Variants in ZNF502 observed in about 807,000 individuals in gnomAD.
ZNF502 encodes the protein zinc finger protein 502.
Under a neutral mutation model 43.6 loss-of-function variants are expected in ZNF502, and 29 were observed. That is an observed-to-expected ratio of 0.67 (90% CI 0.50 to 0.91). The LOEUF is 0.91. Among genes scored for constraint, ZNF502 ranks in the 40% least tolerant of loss-of-function variants. The pLI is 0.00. For missense variants in ZNF502, 591 were observed against 647.2 expected (o/e 0.91, Z 0.94); for synonymous variants, 171 against 207.4 (o/e 0.82, Z 1.51).
In ZNF502 at chr3:44,720,996, C is replaced by T; in HGVS notation, c.179C>T (p.Ala60Val). ...YQDSTFEEKY[A>V]CEGMKENSPR... Reference sequence around the variant, plus strand: ...GATTCTACATTTGAAGAAAAATATGCATGTGAGGGCATGAAGGAAAACTCT... The same window carrying T: ...GATTCTACATTTGAAGAAAAATATGTATGTGAGGGCATGAAGGAAAACTCT... Residue 60 changes from alanine to valine, a missense_variant, in exon 3 of 3, where the codon GCA (alanine) becomes GTA (valine). Ala to Val is a moderately conservative substitution (Grantham distance 64). Coordinates refer to ENST00000436624, the MANE Select transcript of ZNF502 (RefSeq NM_001134442.3). 6.2e-7 allele frequency: 1 copy of T among 1,614,110 alleles called. No homozygotes were observed. The highest frequency in any genetic ancestry group is 8.5e-7 in the Non-Finnish European group (1 of 1,180,008).
At chr3:44,720,374 A>G in intron 2 of ZNF502, 58 bp downstream of exon 2, 1 of 1,572,286 alleles carries the variant, frequency 6.4e-7, no homozygotes, top group East Asian at 2.2e-5. Context: ...AAGCCTTTGG[A>G]AATTTTAGAG....
intron 1 of ZNF502, among the ~76,000 whole-genome samples, chr3:44,716,439 C>T (rs1056158482): frequency 2.0e-5 from 3 of 152,130 alleles, no homozygotes; most frequent in African/African-American, 7.2e-5. Context: ...ATCCACCTGC[C>T]TTGGCCTCCC....
At position 44,721,266 on chromosome 3, in the gene ZNF502, C is replaced by G. The variant is rs1292705913; in HGVS notation, c.449C>G (p.Thr150Arg). ...CAAAGTAAATGTCCAACTCTCTGCA[C>G]ACAGAAAAAATCTTGGAAATGTAAT... ...SDQSKCPTLC[T>R]QKKSWKCNEC... is the part of the protein sequence containing the mutation. Residue 150 changes from threonine to arginine, a missense_variant, in exon 3 of 3, where the codon ACA becomes AGA. By Grantham distance (71) the Thr-to-Arg change is moderately conservative. Coordinates refer to ENST00000436624, the MANE Select transcript of ZNF502 (RefSeq NM_001134442.3). The G allele has an allele frequency of 6.2e-7, 1 of 1,613,980 alleles. No individual in the cohort carries two copies. The highest frequency in any genetic ancestry group is 1.3e-5 in the African/African-American group (1 of 74,890).
At chr3:44,720,724 T>C in intron 2 of ZNF502, 149 bp from the exon 3 acceptor site, 1 of 845,718 alleles carries the variant, frequency 1.2e-6, no homozygotes, top group East Asian at 2.6e-5. Flanking sequence ...CTTCTACCAG[T>C]TACAACTCTA....
chr3:44,722,460 A>C lies in ZNF502; in HGVS notation c.*8A>C, dbSNP rs1167816036. On this transcript the variant is annotated 3_prime_UTR_variant, in exon 3 of 3. Coordinates refer to ENST00000436624, the MANE Select transcript of ZNF502 (RefSeq NM_001134442.3). ...CTTCACAGTGGTGACTAATGCTGCC[A>C]TTTAGGTTATGACAGTTTCTCTAGC... 6.2e-7 allele frequency: 1 copy of C among 1,601,728 alleles called. No homozygotes were observed. The highest frequency in any genetic ancestry group is 1.7e-5 in the Admixed American group (1 of 59,332).
intron 2 of ZNF502, 101 bp from the exon 3 acceptor site, chr3:44,720,772 A>T (rs1026987139): frequency 7.3e-6 from 10 of 1,363,610 alleles, no homozygotes; most frequent in South Asian, 2.9e-5. Context: ...GCCCTTCATC[A>T]TAGGCCATTA....
At chr3:44,718,127 T>C (rs1395809294) in intron 1 of ZNF502, among the ~76,000 whole-genome samples, 1 of 152,242 alleles carries the variant, frequency 6.6e-6, no homozygotes, top group Non-Finnish European at 1.5e-5. Context: ...ACTTTCTGTT[T>C]GGATATTTGA....
At position 44,720,245 on chromosome 3, in the gene ZNF502, G is replaced by T; in HGVS notation, c.-17G>T. 1.2e-6 allele frequency: 2 copies of T among 1,614,060 alleles called. No individual in the cohort carries two copies. Among genetic ancestry groups the T allele is most frequent in the African/African-American group, 2.7e-5 (2 of 75,034 alleles). Reference sequence around the variant, plus strand: ...ACCTGAAGTGTTTTCCAATCAAAGCGAAGAGACGATCTGTGGATGTTGAAT... The same window carrying T: ...ACCTGAAGTGTTTTCCAATCAAAGCTAAGAGACGATCTGTGGATGTTGAAT... On this transcript the variant is annotated 5_prime_UTR_variant, in exon 2 of 3. Coordinates refer to ENST00000436624, the MANE Select transcript of ZNF502 (RefSeq NM_001134442.3).
At chr3:44,717,658 G>C (rs1704184435) in intron 1 of ZNF502, among the ~76,000 whole-genome samples, 1 of 152,020 alleles carries the variant, frequency 6.6e-6, no homozygotes, top group Admixed American at 6.6e-5. Context: ...TAATCCACCT[G>C]CCTCAGCCTC....
At position 44,721,563 on chromosome 3, in the gene ZNF502, G is replaced by T. The variant is rs748731795; in HGVS notation, c.746G>T (p.Arg249Leu). The T allele has an allele frequency of 1.9e-6, 3 of 1,607,384 alleles. No homozygotes were observed. Among genetic ancestry groups the T allele is most frequent in the Admixed American group, 1.7e-5 (1 of 59,570 alleles). ...YKCNECGNSF[R>L]NHSHLTEHQR... ...TGCAATGAATGTGGGAATTCCTTCC[G>T]CAATCACTCACATCTCACTGAACAC... Residue 249 changes from arginine to leucine, a missense_variant, in exon 3 of 3, where the codon CGC becomes CTC. Arg to Leu is a moderately radical substitution (Grantham distance 102, BLOSUM62 -2). Transcript: ENST00000436624.
At position 44,721,395 on chromosome 3, in the gene ZNF502, G is replaced by T; in HGVS notation, c.578G>T (p.Ser193Ile). The T allele has an allele frequency of 6.2e-7, 1 of 1,614,132 alleles. No homozygotes were observed. The highest frequency in any genetic ancestry group is 1.1e-5 in the South Asian group (1 of 91,074). The change falls in exon 3 of 3, where the codon AGT (serine) becomes ATT (isoleucine). Residue 193 changes from serine to isoleucine, a missense_variant. Physicochemically the swap from Ser to Ile is moderately radical, Grantham distance 142. Coordinates refer to ENST00000436624, the MANE Select transcript of ZNF502 (RefSeq NM_001134442.3). ...YTCEECGKAFSRSSFLVQHQR... is the reference protein window; with the variant it reads ...YTCEECGKAFIRSSFLVQHQR... ...TGTGAGGAATGTGGGAAAGCCTTTAGTCGTAGTTCATTCCTTGTTCAACAT... is the reference window on the plus strand; with the variant it reads ...TGTGAGGAATGTGGGAAAGCCTTTATTCGTAGTTCATTCCTTGTTCAACAT...
chr3:44,720,447 G>T, intron 2 of ZNF502, 131 bp downstream of exon 2: 1 of 895,682 alleles, frequency 1.1e-6, no homozygotes, highest in Non-Finnish European at 1.7e-6. Context: ...TGGGGACAGG[G>T]GTGGGTGAAC....
At chr3:44,717,081 C>T (rs570021454) in intron 1 of ZNF502, among the ~76,000 whole-genome samples, 1 of 152,228 alleles carries the variant, frequency 6.6e-6, no homozygotes, top group East Asian at 1.9e-4. Context: ...TTGCATCATG[C>T]TTGAAAGTGC....
At chr3:44,719,913 T>C (rs1480233877) in intron 1 of ZNF502, among the ~76,000 whole-genome samples, 1 of 152,262 alleles carries the variant, frequency 6.6e-6, no homozygotes, top group Non-Finnish European at 1.5e-5. Context: ...GTTTAATCTT[T>C]ATAATTATAA....
At position 44,721,348 on chromosome 3, in the gene ZNF502, T is replaced by A; in HGVS notation, c.531T>A (p.His177Gln). 6.2e-7 allele frequency: 1 copy of A among 1,614,136 alleles called. No homozygotes were observed. The highest frequency in any genetic ancestry group is 8.5e-7 in the Non-Finnish European group (1 of 1,179,988). The change falls in exon 3 of 3, where the codon CAT becomes CAA. Residue 177 changes from histidine (H) to glutamine (Q), a missense_variant. Physicochemically the swap from His to Gln is conservative, Grantham distance 24. Coordinates refer to ENST00000436624, the MANE Select transcript of ZNF502 (RefSeq NM_001134442.3). The stretch of plus-strand genomic sequence containing the variant: ...CCCTTACCCAACATCAGAGAACTCA[T>A]ACTGGAGAGAGACCCTACACATGTG... ...SSSLTQHQRT[H>Q]TGERPYTCEE...
At position 44,721,095 on chromosome 3, in the gene ZNF502, C is replaced by A. The variant is rs201541403; in HGVS notation, c.278C>A (p.Ala93Glu). Reference sequence around the variant, plus strand: ...AGAATAACTTTCATCCACAAAGAAGCACCCCCTGAAATTATTAGTCAAGGA... The same window carrying A: ...AGAATAACTTTCATCCACAAAGAAGAACCCCCTGAAATTATTAGTCAAGGA... The part of the protein sequence containing the change: ...FGRITFIHKE[A>E]PPEIISQGYN... The change falls in exon 3 of 3, where the codon GCA becomes GAA. Residue 93 changes from alanine (A) to glutamate (E), a missense_variant. Transcript: ENST00000436624. 3 of 1,613,996 alleles carry A rather than the reference C, an allele frequency of 1.9e-6. No homozygotes were observed. Among genetic ancestry groups the A allele is most frequent in the Non-Finnish European group, 2.5e-6 (3 of 1,180,022 alleles).
rs1704413249 is a variant in ZNF502 at position 44,723,138 on chromosome 3, C to T, written c.*686C>T. On this transcript the variant is annotated 3_prime_UTR_variant, in exon 3 of 3. Coordinates refer to ENST00000436624, the MANE Select transcript of ZNF502 (RefSeq NM_001134442.3). ...TTCCAAGCTTTGAGGTGACTCAGAG[C>T]TAAGAATGAAATAGGAGACCAAGTT... 6.6e-6 allele frequency: 1 copy of T among 152,080 alleles called. No homozygotes were observed. Among genetic ancestry groups the T allele is most frequent in the Non-Finnish European group, 1.5e-5 (1 of 68,022 alleles). The allele number at this position is 152,080 out of a possible 1,614,324, so 9.4% of individuals were successfully genotyped here. A position where few individuals can be genotyped will look rare whatever the true frequency, so the allele number is the denominator to read the frequency against.
At position 44,722,417 on chromosome 3, in the gene ZNF502, C is replaced by T; in HGVS notation, c.1600C>T (p.Leu534Phe). Residue 534 changes from leucine (L) to phenylalanine (F), a missense_variant, in exon 3 of 3, where the codon CTT becomes TTT. Coordinates refer to ENST00000436624, the MANE Select transcript of ZNF502 (RefSeq NM_001134442.3). ...AAAGTTCTTCAGACATAGTTCAGTCCTTTTCAGACATCAGAAACTTCACAG... is the reference window on the plus strand; with the variant it reads ...AAAGTTCTTCAGACATAGTTCAGTCTTTTTCAGACATCAGAAACTTCACAG... ...CGKFFRHSSV[L>F]FRHQKLHSGD 5.0e-6 allele frequency: 8 copies of T among 1,613,326 alleles called. No individual in the cohort carries two copies. Among genetic ancestry groups the T allele is most frequent in the Non-Finnish European group, 6.8e-6 (8 of 1,179,702 alleles).
chr3:44,720,425 T>G, intron 2 of ZNF502, 109 bp downstream of exon 2: 10 of 1,124,348 alleles, frequency 8.9e-6, no homozygotes, highest in Non-Finnish European at 1.3e-5. Context: ...TAACTGTCTC[T>G]TATAGGGATG....
Sources: gnomAD v4.1 joint callset for allele counts (sites outside exome capture counted in the v4.1 genomes callset) on GRCh38, gnomAD v4.1.1 for gene constraint, MANE v1.5 for transcripts, NCBI Gene and HGNC (gene_info 2026-07-23, HGNC 2026-07-21) for gene names.